The following ACSS3 variants were observed in gnomAD, a reference collection of about 807,000 sequenced individuals.
ACSS3 encodes the protein acyl-CoA synthetase short chain family member 3.
A neutral mutation model predicts 84.2 loss-of-function variants in ACSS3; 64 were observed. That is an observed-to-expected ratio of 0.76 (90% CI 0.62 to 0.94). The LOEUF is 0.94. Ranked by LOEUF, ACSS3 falls within the 40% of genes least tolerant of loss-of-function variation. The pLI is 0.00. For synonymous variants in ACSS3, 317 were observed against 310.1 expected (o/e 1.02, Z -0.23); for missense variants, 815 against 867.6 (o/e 0.94, Z 0.76).
At chr12:81,210,079 A>G (rs1398329317) in intron 9 of ACSS3, among the ~76,000 whole-genome samples, 2 of 152,164 alleles carry the variant, frequency 1.3e-5, no homozygotes, top group Non-Finnish European at 2.9e-5. Flanking sequence ...CCTGTGACTA[A>G]GAATGCCTAA....
chr12:81,079,344 G>C (rs574262403), intron 1 of ACSS3, among the ~76,000 whole-genome samples: 1 of 152,242 alleles, frequency 6.6e-6, no homozygotes, highest in African/African-American at 2.4e-5. Context: ...CCCTCTGGGG[G>C]TGTGATTGCT....
At chr12:81,168,869 AT>A (rs1488575508) in intron 7 of ACSS3, among the ~76,000 whole-genome samples, 2 of 152,218 alleles carry the variant, frequency 1.3e-5, no homozygotes, top group Non-Finnish European at 2.9e-5. Context: ...AGGCTCATCC[AT>A]TAGGGCAACC....
intron 2 of ACSS3, among the ~76,000 whole-genome samples, chr12:81,118,740 A>G (rs1372486861): frequency 3.3e-5 from 5 of 152,232 alleles, no homozygotes; most frequent in African/African-American, 1.2e-4. Flanking sequence ...CAAAGGCTTC[A>G]GTGAGGTATT....
intron 1 of ACSS3, among the ~76,000 whole-genome samples, chr12:81,107,964 T>G (rs1321868117): frequency 6.6e-6 from 1 of 151,964 alleles, no homozygotes; most frequent in Non-Finnish European, 1.5e-5. Flanking sequence ...CTGCTGACAT[T>G]GCATTAGCCA....
intron 2 of ACSS3, among the ~76,000 whole-genome samples, chr12:81,124,736 A>G (rs1252773414): frequency 6.6e-6 from 1 of 152,072 alleles, no homozygotes; most frequent in East Asian, 1.9e-4. Context: ...TGATTATATA[A>G]ATTTATTATC....
chr12:81,203,018 C>T (rs2032177255), intron 9 of ACSS3, among the ~76,000 whole-genome samples: 1 of 152,010 alleles, frequency 6.6e-6, no homozygotes, highest in African/African-American at 2.4e-5. Flanking sequence ...AGTTTGAGAC[C>T]CTGGAATTCT....
At chr12:81,182,842 A>G (rs1280582472) in intron 8 of ACSS3, among the ~76,000 whole-genome samples, 1 of 151,968 alleles carries the variant, frequency 6.6e-6, no homozygotes, top group Non-Finnish European at 1.5e-5. Flanking sequence ...TTCCCTTTCC[A>G]CTTTATCCAA....
intron 3 of ACSS3, among the ~76,000 whole-genome samples, chr12:81,138,608 A>G (rs1885927851): frequency 6.6e-6 from 1 of 152,242 alleles, no homozygotes; most frequent in African/African-American, 2.4e-5. Context: ...AGCCTTTTTA[A>G]GAAAATAATA....
chr12:81,094,892 A>G (rs1332009561), intron 1 of ACSS3, among the ~76,000 whole-genome samples: 1 of 152,150 alleles, frequency 6.6e-6, no homozygotes, highest in Non-Finnish European at 1.5e-5. Context: ...AGCAACATTA[A>G]CACCAGGTCA....
intron 7 of ACSS3, among the ~76,000 whole-genome samples, chr12:81,155,521 CTG>C (rs1350441559): frequency 1.3e-5 from 2 of 152,278 alleles, no homozygotes; most frequent in African/African-American, 4.8e-5. Context: ...TCAGTGCACT[CTG>C]TGTTTCTGTT....
rs12305947 is a variant in ACSS3, at chr12:81,116,899, A to G, written c.456+7195A>G. 6.7e-3 allele frequency among the ~76,000 whole-genome samples: 1,014 copies of G among 152,230 alleles called. 11 individuals carry two copies. The highest frequency in any genetic ancestry group is 0.023 in the African/African-American group (976 of 41,558). ...ATATTAGGAATTTTTATTTTTAAAC[A>G]GGGTGAGAATCTTTCTCATTTTAGT... On this transcript the variant is annotated intron_variant, in intron 2 of 15. Transcript: ENST00000548058.
rs1049777434 is a variant in ACSS3 at position 81,258,107 on chromosome 12, A to C, written c.*3185A>C. 2 of 152,048 alleles carry C rather than the reference A, an allele frequency of 1.3e-5. No homozygotes were observed. The highest frequency in any genetic ancestry group is 4.8e-5 in the African/African-American group (2 of 41,414). 9.4% of individuals were successfully genotyped at this position (152,048 alleles called of 1,614,324 possible). On this transcript the variant is annotated 3_prime_UTR_variant, in exon 16 of 16. Coordinates refer to ENST00000548058, the MANE Select transcript of ACSS3 (RefSeq NM_024560.4). ...TACTCAGGCCACATTTTTAGAAAAA[A>C]ATTTTAAGATCACTCCCATAAGCAA...
At chr12:81,106,171 A>C (rs2121476790) in intron 1 of ACSS3, among the ~76,000 whole-genome samples, 1 of 152,284 alleles carries the variant, frequency 6.6e-6, no homozygotes, top group African/African-American at 2.4e-5. Flanking sequence ...GACTGAGCAA[A>C]GCTTCATCTG....
At chr12:81,119,195 A>G (rs1593077975) in intron 2 of ACSS3, among the ~76,000 whole-genome samples, 1 of 152,126 alleles carries the variant, frequency 6.6e-6, no homozygotes, top group African/African-American at 2.4e-5. Flanking sequence ...GGGTGCAAGA[A>G]CAGGGAGTAG....
intron 7 of ACSS3, among the ~76,000 whole-genome samples, chr12:81,158,772 C>T (rs2135776160): frequency 6.6e-6 from 1 of 152,246 alleles, no homozygotes; most frequent in Non-Finnish European, 1.5e-5. Flanking sequence ...CCTCCTTGAC[C>T]TCCCTGATTA....
rs1415201728 is a variant in ACSS3, at chr12:81,258,351, T to A, written c.*3429T>A. 1.3e-5 allele frequency: 2 copies of A among 152,052 alleles called. No individual in the cohort carries two copies. Among genetic ancestry groups the A allele is most frequent in the African/African-American group, 4.8e-5 (2 of 41,416 alleles). The allele number at this position is 152,052 out of a possible 1,614,324, so 9.4% of individuals were successfully genotyped here. On this transcript the variant is annotated 3_prime_UTR_variant, in exon 16 of 16. Transcript: ENST00000548058. ...TGAATCTGTTAAATAAAAATAGACA[T>A]CAAAACAAATGTAATGTACGTGCAA... is the stretch of plus-strand genomic sequence containing the variant.
Position 81,258,151 on chromosome 12 carries a change from T to C in ACSS3, c.*3229T>C, listed in dbSNP as rs771775355. ...TAAGCAAGTTTAGATCTCCCTCTTG[T>C]GGCAGACTCAATTTTGAAGCTAAAT... is the stretch of plus-strand genomic sequence containing the variant. On this transcript the variant is annotated 3_prime_UTR_variant, in exon 16 of 16. Coordinates refer to ENST00000548058, the MANE Select transcript of ACSS3 (RefSeq NM_024560.4). The C allele has an allele frequency of 5.9e-5, 9 of 152,130 alleles. No individual in the cohort carries two copies. Among genetic ancestry groups the C allele is most frequent in the Non-Finnish European group, 1.3e-4 (9 of 68,002 alleles). The allele number at this position is 152,130 out of a possible 1,614,324, so 9.4% of individuals were successfully genotyped here.
intron 12 of ACSS3, 113 bp from the exon 13 acceptor site, chr12:81,233,236 G>A: frequency 8.0e-7 from 1 of 1,257,602 alleles, no homozygotes; most frequent in Non-Finnish European, 1.1e-6. Flanking sequence ...ACGAAAAACG[G>A]CAAATGTTCA....
chr12:81,230,471 C>T (rs992057169), intron 11 of ACSS3, among the ~76,000 whole-genome samples: 20 of 151,708 alleles, frequency 1.3e-4, no homozygotes, highest in African/African-American at 2.9e-4. Context: ...ATATTTTCTA[C>T]GCTGAAGCAT....
Sources: gnomAD v4.1 joint callset for allele counts (sites outside exome capture counted in the v4.1 genomes callset) on GRCh38, gnomAD v4.1.1 for gene constraint, MANE v1.5 for transcripts, NCBI Gene and HGNC (gene_info 2026-07-23, HGNC 2026-07-21) for gene names.